Variants in PPP3CA observed in about 807,000 individuals in gnomAD.
PPP3CA encodes protein phosphatase 3 catalytic subunit alpha, also known as CAM-PRP catalytic subunit.
In PPP3CA, 14 loss-of-function variants were observed where a neutral mutation model predicts 66.5. That is an observed-to-expected ratio of 0.21 (90% CI 0.14 to 0.33). PPP3CA has a LOEUF of 0.33. Ranked by LOEUF, PPP3CA falls within the 10% of genes least tolerant of loss-of-function variation. The pLI, the probability that PPP3CA is intolerant of heterozygous loss-of-function variation, is 1.00. For missense variants in PPP3CA, 317 were observed against 639.5 expected (o/e 0.50, Z 5.44); for synonymous variants, 232 against 226.2 (o/e 1.03, Z -0.23).
At chr4:101,272,078 C>T (rs960659619) in intron 1 of PPP3CA, among the ~76,000 whole-genome samples, 3 of 152,032 alleles carry the variant, frequency 2.0e-5, no homozygotes, top group Non-Finnish European at 2.9e-5. Flanking sequence ...CCTTACACCC[C>T]GCCACTCCTC....
chr4:101,174,096 C>G (rs889407186), intron 2 of PPP3CA, among the ~76,000 whole-genome samples: 1 of 151,742 alleles, frequency 6.6e-6, no homozygotes, highest in Non-Finnish European at 1.5e-5. Context: ...ACGCCCCCCC[C>G]ACCCCGCCAG....
chr4:101,203,972 TTTA>T (rs1374772802), intron 1 of PPP3CA, among the ~76,000 whole-genome samples: 1 of 152,158 alleles, frequency 6.6e-6, no homozygotes, highest in Non-Finnish European at 1.5e-5. Flanking sequence ...TTTTTAAAAA[TTTA>T]TTATTAATTT....
intron 8 of PPP3CA, among the ~76,000 whole-genome samples, chr4:101,078,941 G>C (rs1402398646): frequency 6.6e-6 from 1 of 152,082 alleles, no homozygotes; most frequent in African/African-American, 2.4e-5. Context: ...TCTTTTCTAG[G>C]AACTGCCTCC....
At chr4:101,230,261 C>A (rs1376530165) in intron 1 of PPP3CA, among the ~76,000 whole-genome samples, 1 of 151,470 alleles carries the variant, frequency 6.6e-6, no homozygotes, top group African/African-American at 2.4e-5. Context: ...TCTATCCATC[C>A]CCACCTGCAA....
At chr4:101,287,789 T>C (rs1176012650) in intron 1 of PPP3CA, among the ~76,000 whole-genome samples, 7 of 151,366 alleles carry the variant, frequency 4.6e-5, no homozygotes, top group Non-Finnish European at 1.0e-4. Flanking sequence ...TTAATTGATG[T>C]GAGGAAAGTG....
chr4:101,235,395 T>C (rs1335737094), intron 1 of PPP3CA, among the ~76,000 whole-genome samples: 2 of 150,100 alleles, frequency 1.3e-5, no homozygotes, highest in Non-Finnish European at 3.0e-5. Flanking sequence ...ACCAGACCTA[T>C]ATGAGCATAA....
intron 8 of PPP3CA, 125 bp from the exon 9 acceptor site, chr4:101,063,482 A>G: frequency 9.1e-7 from 1 of 1,102,846 alleles, no homozygotes; most frequent in South Asian, 1.9e-5. Context: ...CTCACACCTT[A>G]GGCATCCCAG....
intron 1 of PPP3CA, among the ~76,000 whole-genome samples, chr4:101,199,111 T>C (rs550116827): frequency 8.0e-4 from 122 of 152,322 alleles, no homozygotes; most frequent in Admixed American, 8.5e-4. Context: ...ATTTGTGTAT[T>C]TGTGCACCTT....
At chr4:101,067,837 A>AATC (rs1454084398) in intron 8 of PPP3CA, among the ~76,000 whole-genome samples, 1 of 150,126 alleles carries the variant, frequency 6.7e-6, no homozygotes, top group South Asian at 2.1e-4. Flanking sequence ...TAATAATAAT[A>AATC]ATAAAAAGCT....
chr4:101,029,363 AAAAAAAAAAGAAAAAAAAT>A (rs1726827227), intron 12 of PPP3CA, among the ~76,000 whole-genome samples, 168 bp from the exon 13 acceptor site: 1 of 104,532 alleles, frequency 9.6e-6, no homozygotes, highest in African/African-American at 3.3e-5. Flanking sequence ...AAAAAAAAAA[AAAAAAAAAAGAAAAAAAAT>A]GCCACAGAAA....
intron 2 of PPP3CA, among the ~76,000 whole-genome samples, chr4:101,163,669 T>C (rs957004214): frequency 6.6e-6 from 1 of 152,192 alleles, no homozygotes; most frequent in African/African-American, 2.4e-5. Context: ...GGCTGGGTTA[T>C]GGAAGCACAG....
intron 5 of PPP3CA, among the ~76,000 whole-genome samples, chr4:101,095,398 T>C (rs1730150782): frequency 6.6e-6 from 1 of 152,084 alleles, no homozygotes; most frequent in Non-Finnish European, 1.5e-5. Context: ...GTTAATATAA[T>C]TGACAGTAAA....
chr4:101,264,181 A>G (rs1727095933), intron 1 of PPP3CA, among the ~76,000 whole-genome samples: 1 of 152,200 alleles, frequency 6.6e-6, no homozygotes, highest in African/African-American at 2.4e-5. Context: ...TAAGGCATGA[A>G]TCATTTTCAT....
intron 1 of PPP3CA, among the ~76,000 whole-genome samples, chr4:101,202,192 T>A (rs542215910): frequency 9.9e-5 from 15 of 152,262 alleles, no homozygotes; most frequent in African/African-American, 3.6e-4. Flanking sequence ...TTATTTAAAG[T>A]ATATTATAAA....
intron 6 of PPP3CA, among the ~76,000 whole-genome samples, chr4:101,090,238 T>A (rs1351692571): frequency 6.6e-6 from 1 of 152,164 alleles, no homozygotes; most frequent in Non-Finnish European, 1.5e-5. Flanking sequence ...TAAAACATAA[T>A]CCAGACTGCT....
At chr4:101,320,967 C>T (rs1186552160) in intron 1 of PPP3CA, among the ~76,000 whole-genome samples, 1 of 152,096 alleles carries the variant, frequency 6.6e-6, no homozygotes, top group African/African-American at 2.4e-5. Flanking sequence ...AGTGAAGCCA[C>T]CTAAGAGGAA....
intron 2 of PPP3CA, among the ~76,000 whole-genome samples, chr4:101,167,109 G>T (rs1723717718): frequency 6.6e-6 from 1 of 152,156 alleles, no homozygotes; most frequent in Non-Finnish European, 1.5e-5. Flanking sequence ...ATTAATAGAA[G>T]GAAGTGGTGA....
chr4:101,335,228 A>G (rs1729586824), intron 1 of PPP3CA, among the ~76,000 whole-genome samples: 1 of 152,104 alleles, frequency 6.6e-6, no homozygotes. Context: ...GAAACTAGTT[A>G]TCAAATTACA....
chr4:101,165,354 T>C (rs773950735), intron 2 of PPP3CA, among the ~76,000 whole-genome samples: 6 of 152,206 alleles, frequency 3.9e-5, no homozygotes, highest in Admixed American at 2.0e-4. Flanking sequence ...TTTTTAAATA[T>C]AGACTAATTA....
Sources: allele counts gnomAD v4.1 joint callset (sites outside exome capture counted in the v4.1 genomes callset), GRCh38; gene constraint gnomAD v4.1.1; transcripts MANE v1.5; gene names NCBI Gene and HGNC (gene_info 2026-07-23, HGNC 2026-07-21).